GALNT16: variants seen among roughly 807,000 people sequenced by gnomAD.
GALNT16 encodes UDP-GalNAc:polypeptide N-acetylgalactosaminyltransferase-like protein 1.
GALNT16 carries 40 observed loss-of-function variants against 76.1 expected under a neutral mutation model. That is an observed-to-expected ratio of 0.53 (90% CI 0.41 to 0.68). GALNT16 has a LOEUF of 0.68. GALNT16 is among the 30% of genes least tolerant of loss of function. The probability of loss-of-function intolerance (pLI) is 0.00; values close to 1 mark genes in which losing one functional copy is unlikely to be tolerated. For synonymous variants in GALNT16, 276 were observed against 285.2 expected, an observed-to-expected ratio of 0.97 and a Z score of 0.32; for missense variants, 621 against 731.9, an observed-to-expected ratio of 0.85 and a Z score of 1.75.
intron 14 of GALNT16, chr14:69,350,154 G>C (rs1303323176): frequency 6.6e-6 from 1 of 152,296 alleles, no homozygotes; most frequent in Non-Finnish European, 1.5e-5. Flanking sequence ...AGAGGTAGCA[G>C]TGAGCCGAGA....
intron 1 of GALNT16, among the ~76,000 whole-genome samples, chr14:69,299,493 CG>C (rs1326833136): frequency 6.6e-6 from 1 of 152,134 alleles, no homozygotes; most frequent in East Asian, 1.9e-4. Context: ...GGCTGACCTC[CG>C]GGGGTGCTCC....
chr14:69,269,045 G>T (rs1404973876), intron 1 of GALNT16, among the ~76,000 whole-genome samples: 1 of 152,232 alleles, frequency 6.6e-6, no homozygotes, highest in Non-Finnish European at 1.5e-5. Context: ...TGCACAGGCT[G>T]GTAAGTCAGG....
intron 1 of GALNT16, among the ~76,000 whole-genome samples, chr14:69,277,780 A>T (rs2044492374): frequency 6.6e-6 from 1 of 152,188 alleles, no homozygotes; most frequent in South Asian, 2.1e-4. Flanking sequence ...CTAGTTCTAG[A>T]TCCTTGGGGA....
At chr14:69,325,308 C>T in intron 3 of GALNT16, 29 bp from the exon 4 acceptor site, 2 of 1,445,050 alleles carry the variant, frequency 1.4e-6, no homozygotes, top group Non-Finnish European at 1.9e-6. Context: ...TAAATCCAGG[C>T]TCTTTCTCTG....
Position 69,320,841 on chromosome 14 carries a change from G to A in GALNT16, c.308G>A (p.Arg103Gln), listed in dbSNP as rs149659360. ...QLESDKLSPD[R>Q]PIRDTRHYSC... ...GAGAGTGACAAGCTGAGCCCAGACCGGCCCATCCGGGACACCCGCCATTAC... is the reference window on the plus strand; with the variant it reads ...GAGAGTGACAAGCTGAGCCCAGACCAGCCCATCCGGGACACCCGCCATTAC... The change falls in exon 2 of 15, where the codon CGG (arginine) becomes CAG (glutamine). Residue 103 changes from arginine (R) to glutamine (Q), a missense_variant. By Grantham distance (43) the Arg-to-Gln change is conservative. Transcript: ENST00000448469. 1.5e-5 allele frequency: 24 copies of A among 1,613,156 alleles called. No individual in the cohort carries two copies. The highest frequency in any genetic ancestry group is 1.4e-5 in the Non-Finnish European group (16 of 1,179,394).
intron 1 of GALNT16, among the ~76,000 whole-genome samples, chr14:69,270,682 C>A (rs1202377474): frequency 6.6e-6 from 1 of 152,222 alleles, no homozygotes; most frequent in Non-Finnish European, 1.5e-5. Context: ...GGGGGCTTCA[C>A]TTCTGACGCC....
the GALNT16 span, among the ~76,000 whole-genome samples, chr14:69,362,545 A>G: frequency 4.3e-3 from 652 of 152,368 alleles, 6 homozygotes; most frequent in African/African-American, 0.015. Context: ...CAGCCTCACA[A>G]TAAGAGAACA....
intron 1 of GALNT16, among the ~76,000 whole-genome samples, chr14:69,288,915 C>T (rs1455070970): frequency 6.6e-6 from 1 of 152,058 alleles, no homozygotes; most frequent in African/African-American, 2.4e-5. Context: ...TCTCACTCTG[C>T]CACCCAGGTG....
At chr14:69,274,465 G>C (rs2044445937) in intron 1 of GALNT16, among the ~76,000 whole-genome samples, 1 of 152,130 alleles carries the variant, frequency 6.6e-6, no homozygotes, top group Admixed American at 6.5e-5. Flanking sequence ...GTCAGCCAGG[G>C]CTATTGTTAT....
At chr14:69,300,368 G>T (rs145524894) in intron 1 of GALNT16, among the ~76,000 whole-genome samples, 63 of 152,302 alleles carry the variant, frequency 4.1e-4, no homozygotes, top group African/African-American at 1.4e-3. Flanking sequence ...GCACTGGGGT[G>T]ATGCCACTCC....
chr14:69,384,368 A>T, the GALNT16 span, among the ~76,000 whole-genome samples: 1 of 152,244 alleles, frequency 6.6e-6, no homozygotes, highest in Admixed American at 6.5e-5. Flanking sequence ...AGCAAACTAA[A>T]GTTTAGCAAT....
chr14:69,341,113 G>A (rs1334599665), intron 11 of GALNT16, among the ~76,000 whole-genome samples: 1 of 152,124 alleles, frequency 6.6e-6, no homozygotes, highest in East Asian at 1.9e-4. Context: ...TCTCACAAAA[G>A]CCTTCTGAGA....
At chr14:69,362,979 A>C in the GALNT16 span, among the ~76,000 whole-genome samples, 2 of 152,232 alleles carry the variant, frequency 1.3e-5, no homozygotes, top group East Asian at 3.9e-4. Context: ...TACCTTGTGA[A>C]GAAAGCAAAG....
intron 1 of GALNT16, among the ~76,000 whole-genome samples, chr14:69,289,130 G>A (rs969702362): frequency 2.6e-5 from 4 of 152,182 alleles, no homozygotes; most frequent in Admixed American, 6.5e-5. Context: ...CTCCTACCTC[G>A]GCCTCCCAGA....
chr14:69,322,164 C>T (rs1416007949), intron 2 of GALNT16, among the ~76,000 whole-genome samples: 1 of 152,258 alleles, frequency 6.6e-6, no homozygotes, highest in Non-Finnish European at 1.5e-5. Context: ...CTCCAGAAAC[C>T]ACTCATGCAG....
In GALNT16 at chr14:69,261,966, C is replaced by G. The variant is rs960245119; in HGVS notation, c.177+1499C>G. On this transcript the variant is annotated intron_variant, in intron 1 of 14. Coordinates refer to ENST00000448469, the MANE Select transcript of GALNT16 (RefSeq NM_001168368.2). This position sits in a 1 kb window ranked among gnomAD's most constrained non-coding sequence, Gnocchi z 6.4. ...ACAGAAAACTGATAAGGAAAAGCCTCCTGTGCTGAGGCCCCAGAGTGTTGT... is the reference window on the plus strand; with the variant it reads ...ACAGAAAACTGATAAGGAAAAGCCTGCTGTGCTGAGGCCCCAGAGTGTTGT... Among the ~76,000 whole-genome samples the G allele has an allele frequency of 6.6e-6, 1 of 152,176 alleles. No individual in the cohort carries two copies. The highest frequency in any genetic ancestry group is 2.4e-5 in the African/African-American group (1 of 41,448).
intron 1 of GALNT16, among the ~76,000 whole-genome samples, chr14:69,310,615 G>A (rs186538716): frequency 1.3e-5 from 2 of 152,246 alleles, no homozygotes; most frequent in Admixed American, 1.3e-4. Flanking sequence ...GTGCAAAACT[G>A]CAATAAATGC....
rs929255023 is a variant in GALNT16 at position 69,339,962 on chromosome 14, A to G, written c.1187+343A>G. 5.3e-5 allele frequency among the ~76,000 whole-genome samples: 8 copies of G among 152,304 alleles called. No homozygotes were observed. In the South Asian group the frequency reaches 1.0e-3, roughly 20 times the overall value. On this transcript the variant is annotated intron_variant, in intron 11 of 14. Transcript: ENST00000448469. ...TGCCTCCACTCCCTGTTCAAAATTG[A>G]GATCTGTTAGCCTATTTTCCTGTCA...
downstream of GALNT16, chr14:69,357,422 G>A (rs1182612924): frequency 1.3e-5 from 2 of 152,304 alleles, no homozygotes; most frequent in Non-Finnish European, 2.9e-5. Flanking sequence ...AGGCAGCATT[G>A]TGGTGACGTA....
Sources: gnomAD v4.1 joint callset for allele counts (sites outside exome capture counted in the v4.1 genomes callset) on GRCh38, gnomAD v4.1.1 for gene constraint, Gnocchi (gnomAD v3.1) non-coding constraint, MANE v1.5 for transcripts, NCBI Gene and HGNC (gene_info 2026-07-23, HGNC 2026-07-21) for gene names.